Variants in ADAMTS12 observed in about 807,000 individuals in gnomAD.
ADAMTS12 encodes the protein A disintegrin and metalloproteinase with thrombospondin motifs 12.
In ADAMTS12, 118 loss-of-function variants were observed where a neutral mutation model predicts 167.8. The observed-to-expected ratio is 0.70, with a 90% CI of 0.61 to 0.82. The LOEUF (loss-of-function observed/expected upper bound fraction) is 0.82, where lower values mean the gene tolerates loss of function less well. Among genes scored for constraint, ADAMTS12 ranks in the 40% least tolerant of loss-of-function variants. ADAMTS12 has a pLI of 0.00. For missense variants in ADAMTS12, 1,916 were observed against 1,998.8 expected, an observed-to-expected ratio of 0.96 and a Z score of 0.79; for synonymous variants, 704 against 716.9, an observed-to-expected ratio of 0.98 and a Z score of 0.29.
intron 9 of ADAMTS12, among the ~76,000 whole-genome samples, chr5:33,647,806 G>T (rs1740731644): frequency 6.6e-6 from 1 of 152,132 alleles, no homozygotes; most frequent in Non-Finnish European, 1.5e-5. Context: ...GAAATGAGGG[G>T]TGAGGATTTT....
intron 2 of ADAMTS12, among the ~76,000 whole-genome samples, chr5:33,849,615 A>ATAGCAATACACATG (rs1749134290): frequency 3.4e-5 from 3 of 87,544 alleles, no homozygotes; most frequent in African/African-American, 1.2e-4. Flanking sequence ...AGCAATATAT[A>ATAGCAATACACATG]TGTATTGCAT....
chr5:33,663,171 C>T (rs910813608), intron 5 of ADAMTS12, among the ~76,000 whole-genome samples: 1 of 152,220 alleles, frequency 6.6e-6, no homozygotes, highest in African/African-American at 2.4e-5. Context: ...CACTGAGCTG[C>T]TCAGCATAAA....
At chr5:33,710,890 A>C (rs1021899200) in intron 3 of ADAMTS12, among the ~76,000 whole-genome samples, 1 of 152,116 alleles carries the variant, frequency 6.6e-6, no homozygotes, top group Non-Finnish European at 1.5e-5. Context: ...AGTACTAAAA[A>C]TTTTCAGAAA....
intron 5 of ADAMTS12, among the ~76,000 whole-genome samples, chr5:33,675,729 A>AT (rs986128660): frequency 1.3e-5 from 2 of 152,086 alleles, no homozygotes; most frequent in Non-Finnish European, 2.9e-5. Context: ...AATTGAGCAC[A>AT]TTTTTTTCAA....
chr5:33,701,331 T>C (rs1742995421), intron 3 of ADAMTS12, among the ~76,000 whole-genome samples: 1 of 152,216 alleles, frequency 6.6e-6, no homozygotes, highest in Admixed American at 6.5e-5. Context: ...CCAAAATTTG[T>C]TCTTTCCTCC....
intron 2 of ADAMTS12, among the ~76,000 whole-genome samples, chr5:33,793,915 A>G (rs1746673422): frequency 6.6e-6 from 1 of 151,804 alleles, no homozygotes; most frequent in Admixed American, 6.6e-5. Context: ...CCCGATTTGC[A>G]CTCTCCCGCA....
intron 2 of ADAMTS12, among the ~76,000 whole-genome samples, chr5:33,840,794 T>C (rs1011123098): frequency 1.3e-5 from 2 of 152,198 alleles, no homozygotes; most frequent in African/African-American, 4.8e-5. Context: ...GTGCAGCCCT[T>C]GTTTGGTCAC....
At chr5:33,544,822 A>C (rs1744887499) in intron 22 of ADAMTS12, among the ~76,000 whole-genome samples, 1 of 152,232 alleles carries the variant, frequency 6.6e-6, no homozygotes, top group African/African-American at 2.4e-5. Flanking sequence ...TAGAAAGCTG[A>C]AACTGGATCC....
intron 7 of ADAMTS12, among the ~76,000 whole-genome samples, chr5:33,655,340 A>G (rs551910790): frequency 6.6e-6 from 1 of 152,226 alleles, no homozygotes; most frequent in East Asian, 1.9e-4. Context: ...CTCTGGGAAC[A>G]GCCTCTAACC....
At chr5:33,851,357 A>G (rs1340857480) in intron 2 of ADAMTS12, among the ~76,000 whole-genome samples, 2 of 152,194 alleles carry the variant, frequency 1.3e-5, no homozygotes, top group Non-Finnish European at 2.9e-5. Flanking sequence ...GCTTGCAGTG[A>G]GCCGAGATCA....
chr5:33,817,792 G>A (rs1316903125), intron 2 of ADAMTS12, among the ~76,000 whole-genome samples: 1 of 152,096 alleles, frequency 6.6e-6, no homozygotes, highest in Non-Finnish European at 1.5e-5. Flanking sequence ...TAGTCAGTCA[G>A]TATTCAGATG....
chr5:33,655,192 C>G (rs920628009), intron 7 of ADAMTS12, among the ~76,000 whole-genome samples: 1 of 152,120 alleles, frequency 6.6e-6, no homozygotes, highest in African/African-American at 2.4e-5. Flanking sequence ...TTATTGGTAA[C>G]AGATGCTACT....
At chr5:33,864,952 A>G (rs995320017) in intron 2 of ADAMTS12, among the ~76,000 whole-genome samples, 2 of 152,112 alleles carry the variant, frequency 1.3e-5, no homozygotes, top group African/African-American at 4.8e-5. Context: ...ACAAACCTGC[A>G]CATTCTGCAC....
intron 16 of ADAMTS12, 38 bp from the exon 17 acceptor site, chr5:33,596,098 C>T (rs1306269803): frequency 2.5e-6 from 4 of 1,609,736 alleles, no homozygotes; most frequent in African/African-American, 1.3e-5. Context: ...ATATTGAATC[C>T]TGAGCCCACA....
chr5:33,576,981 GT>G lies in ADAMTS12; in HGVS notation c.3044del (p.Asn1015ThrfsTer5), dbSNP rs746573822. ...PNKGTISNGKNPPTLKPVPPP... is the reference protein window; with the variant it reads ...PNKGTISNGKXPPTLKPVPPP... ...GAGGGACGGGCTTTAGTGTTGGTGGGTTTTTTCCATTGGAAATAGTGCCTTT... is the reference window on the plus strand; with the variant it reads ...GAGGGACGGGCTTTAGTGTTGGTGGGTTTTTCCATTGGAAATAGTGCCTTT... On this transcript the variant is annotated frameshift_variant, in exon 19 of 24. Coordinates refer to ENST00000504830, the MANE Select transcript of ADAMTS12 (RefSeq NM_030955.4). LOFTEE classifies it high-confidence loss of function. 1.2e-6 allele frequency: 2 copies of G among 1,614,172 alleles called. No homozygotes were observed. Among genetic ancestry groups the G allele is most frequent in the South Asian group, 1.1e-5 (1 of 91,078 alleles).
intron 3 of ADAMTS12, among the ~76,000 whole-genome samples, chr5:33,687,845 C>T (rs1017246310): frequency 2.3e-4 from 35 of 152,282 alleles, no homozygotes; most frequent in African/African-American, 7.9e-4. Context: ...ATCTCTAAAG[C>T]TGATGACAAA....
intron 2 of ADAMTS12, among the ~76,000 whole-genome samples, chr5:33,876,710 ACC>A (rs1267653954): frequency 1.2e-4 from 18 of 152,200 alleles, no homozygotes; most frequent in Admixed American, 3.9e-4. Context: ...AGGTGGTGGT[ACC>A]ATGAGAGAAA....
chr5:33,724,659 C>T (rs1385068387), intron 3 of ADAMTS12, among the ~76,000 whole-genome samples: 2 of 151,840 alleles, frequency 1.3e-5, no homozygotes, highest in Non-Finnish European at 2.9e-5. Flanking sequence ...TCACGCCATT[C>T]TCCTGTCTCA....
intron 21 of ADAMTS12, among the ~76,000 whole-genome samples, chr5:33,548,904 G>A (rs953951793): frequency 6.6e-6 from 1 of 152,156 alleles, no homozygotes; most frequent in Admixed American, 6.5e-5. Context: ...ATCCCATTGC[G>A]TTCATTTTCC....
Sources: gnomAD v4.1 joint callset for allele counts (sites outside exome capture counted in the v4.1 genomes callset) on GRCh38, gnomAD v4.1.1 for gene constraint, MANE v1.5 for transcripts, NCBI Gene and HGNC (gene_info 2026-07-23, HGNC 2026-07-21) for gene names.